Variants in CA7 observed in about 807,000 individuals in gnomAD.
CA7 encodes carbonate dehydratase VII.
In CA7, 13 loss-of-function variants were observed where a neutral mutation model predicts 31.4. The ratio of observed to expected loss-of-function variants is 0.41; its 90% CI spans 0.27 to 0.66. The LOEUF is 0.66. Among genes scored for constraint, CA7 ranks in the 30% least tolerant of loss-of-function variants. CA7 has a pLI of 0.28. For missense variants in CA7, 215 were observed against 351.0 expected (o/e 0.61, Z 3.10); for synonymous variants, 128 against 133.2 (o/e 0.96, Z 0.27).
Position 66,851,656 on chromosome 16 carries a change from C to T in CA7, c.454-8C>T, listed in dbSNP as rs1961055755. 1.9e-6 allele frequency: 3 copies of T among 1,613,982 alleles called. No homozygotes were observed. The highest frequency in any genetic ancestry group is 1.3e-5 in the African/African-American group (1 of 74,892). On this transcript the variant is annotated splice_polypyrimidine_tract_variant and splice_region_variant and intron_variant, in intron 4 of 6. Coordinates refer to ENST00000338437, the MANE Select transcript of CA7 (RefSeq NM_005182.3). ...GGCTCTGGGCTCACACTGCCCTCTCCCTGACAGACAGGAGACGAGCACCCC... is the reference window on the plus strand; with the variant it reads ...GGCTCTGGGCTCACACTGCCCTCTCTCTGACAGACAGGAGACGAGCACCCC...
intron 1 of CA7, chr16:66,845,068 G>C: frequency 3.0e-6 from 3 of 985,968 alleles, no homozygotes; most frequent in Non-Finnish European, 3.6e-6. Context: ...ACTTGGGGGC[G>C]CAAGCATGTG....
intron 2 of CA7, among the ~76,000 whole-genome samples, chr16:66,850,016 A>T (rs1443443371): frequency 1.4e-5 from 2 of 147,030 alleles, no homozygotes; most frequent in Admixed American, 6.9e-5. Context: ...GCTACTTGGG[A>T]GGCTGAGGCA....
At chr16:66,852,547 G>GAAGAAAGA (rs149116525) in intron 5 of CA7, among the ~76,000 whole-genome samples, 165 bp from the exon 6 acceptor site, 21 of 134,904 alleles carry the variant, frequency 1.6e-4, no homozygotes, top group Non-Finnish European at 2.9e-4. Flanking sequence ...AGGAAGGAAG[G>GAAGAAAGA]AAGAAAGAAA....
chr16:66,845,089 T>A, intron 1 of CA7: 1 of 985,704 alleles, frequency 1.0e-6, no homozygotes, highest in Non-Finnish European at 1.2e-6. Flanking sequence ...TCTGGGTGTC[T>A]ACACCGAGCA....
At chr16:66,844,841 C>T in intron 1 of CA7, 1 of 982,134 alleles carries the variant, frequency 1.0e-6, no homozygotes, top group Non-Finnish European at 1.3e-6. Flanking sequence ...ACTCACTCGC[C>T]CCGGGCGTGC....
intron 1 of CA7, chr16:66,844,805 C>A: frequency 1.2e-6 from 1 of 829,834 alleles, no homozygotes; most frequent in Non-Finnish European, 1.6e-6. Flanking sequence ...ATTGCCCAGC[C>A]CGCTCAGACC....
At chr16:66,846,601 G>A (rs531587136) in intron 1 of CA7, among the ~76,000 whole-genome samples, 1 of 152,316 alleles carries the variant, frequency 6.6e-6, no homozygotes, top group South Asian at 2.1e-4. Flanking sequence ...GTCAAAGCTA[G>A]GTTGATGTGA....
At chr16:66,852,582 AAAAG>A (rs1190422880) in intron 5 of CA7, 126 bp from the exon 6 acceptor site, 18 of 471,426 alleles carry the variant, frequency 3.8e-5, no homozygotes, top group Admixed American at 3.7e-4. Flanking sequence ...GAAAGAAAAG[AAAAG>A]AAAAAAAAAA....
intron 4 of CA7, 24 bp downstream of exon 4, chr16:66,851,582 T>A (rs375798363): frequency 4.5e-5 from 73 of 1,613,006 alleles, no homozygotes; most frequent in Non-Finnish European, 5.9e-5. Context: ...TGCTGGGGCC[T>A]GGAGGGGCAT....
chr16:66,850,930 G>A (rs1284512504), intron 3 of CA7, among the ~76,000 whole-genome samples: 1 of 152,158 alleles, frequency 6.6e-6, no homozygotes, highest in Non-Finnish European at 1.5e-5. Context: ...TTTAAGGGTT[G>A]AGCCCAGTAT....
At chr16:66,850,472 G>C (rs1474863632) in intron 2 of CA7, 69 bp from the exon 3 acceptor site, 2 of 891,816 alleles carry the variant, frequency 2.2e-6, no homozygotes, top group African/African-American at 3.3e-5. Context: ...CTGGGCTGCT[G>C]CCCTGGTCCT....
intron 2 of CA7, among the ~76,000 whole-genome samples, chr16:66,848,977 G>A (rs558964449): frequency 1.3e-5 from 2 of 152,262 alleles, no homozygotes; most frequent in South Asian, 2.1e-4. Flanking sequence ...TGATAAGACC[G>A]GGCAAGAAAG....
chr16:66,846,655 A>C (rs1960934782), intron 1 of CA7, among the ~76,000 whole-genome samples: 1 of 152,154 alleles, frequency 6.6e-6, no homozygotes, highest in Admixed American at 6.5e-5. Flanking sequence ...CAAATTGCCC[A>C]AGGCACAGAA....
Position 66,853,660 on chromosome 16 carries a change from T to G in CA7, c.*162T>G. On this transcript the variant is annotated 3_prime_UTR_variant, in exon 7 of 7. Coordinates refer to ENST00000338437, the MANE Select transcript of CA7 (RefSeq NM_005182.3). The surrounding 1 kb of genome is among the most constrained non-coding windows in gnomAD (Gnocchi z 4.5). The stretch of plus-strand genomic sequence containing the variant: ...CCTGGAGGCTTCTGGATGGGACCCT[T>G]GAGTCTGGGGCACCCTTCAGCTGCC... The G allele has an allele frequency of 1.1e-6, 1 of 884,256 alleles. No individual in the cohort carries two copies. The highest frequency in any genetic ancestry group is 1.7e-6 in the Non-Finnish European group (1 of 593,548). The allele number at this position is 884,256 out of a possible 1,614,324, so 54.8% of individuals were successfully genotyped here. A position where few individuals can be genotyped will look rare whatever the true frequency, so the allele number is the denominator to read the frequency against.
intron 3 of CA7, among the ~76,000 whole-genome samples, chr16:66,851,189 G>T (rs181288977): frequency 6.6e-6 from 1 of 152,324 alleles, no homozygotes; most frequent in Admixed American, 6.5e-5. Context: ...GTTCATGATC[G>T]ATTTCACAGC....
At position 66,850,536 on chromosome 16, in the gene CA7, C is replaced by A. The variant is rs926444515; in HGVS notation, c.239-5C>A. On this transcript the variant is annotated splice_polypyrimidine_tract_variant and splice_region_variant and intron_variant, in intron 2 of 6. Transcript: ENST00000338437. ...CATTGCCACTCGCCCCACTTCTACC[C>A]ACAGTGGTGACTGGGGGCCCCCTGG... 3.9e-6 allele frequency: 6 copies of A among 1,555,152 alleles called. No individual in the cohort carries two copies. The highest frequency in any genetic ancestry group is 2.2e-5 in the South Asian group (2 of 89,904).
chr16:66,844,716 C>G (rs1204605741), intron 1 of CA7, among the ~76,000 whole-genome samples, 189 bp downstream of exon 1: 1 of 152,254 alleles, frequency 6.6e-6, no homozygotes, highest in Non-Finnish European at 1.5e-5. Flanking sequence ...ACGCAAAGTC[C>G]GCGCTGCGCC....
At chr16:66,851,809 C>A in intron 5 of CA7, 83 bp downstream of exon 5, 2 of 1,235,106 alleles carry the variant, frequency 1.6e-6, no homozygotes, top group Non-Finnish European at 2.3e-6. Flanking sequence ...TCCAGTCCTT[C>A]ATTCTGGGAG....
intron 1 of CA7, chr16:66,845,122 G>A (rs1960900103): frequency 3.0e-6 from 3 of 985,694 alleles, no homozygotes; most frequent in Middle Eastern, 5.2e-4. Context: ...ACGTCCGGGT[G>A]TGAGTCGTGG....
Sources: allele counts gnomAD v4.1 joint callset (sites outside exome capture counted in the v4.1 genomes callset), GRCh38; gene constraint gnomAD v4.1.1; non-coding constraint Gnocchi (gnomAD v3.1); transcripts MANE v1.5; gene names NCBI Gene and HGNC (gene_info 2026-07-23, HGNC 2026-07-21).